The following VPS9D1 variants were observed in gnomAD, a reference collection of about 807,000 sequenced individuals.
VPS9D1 encodes VPS9 domain containing 1.
In VPS9D1, 78 loss-of-function variants were observed where a neutral mutation model predicts 75.8. The observed-to-expected ratio is 1.03, with a 90% CI of 0.86 to 1.24. The LOEUF is 1.24. Among genes scored for constraint, VPS9D1 ranks in the 50% most tolerant of loss-of-function variants. The pLI, the probability that VPS9D1 is intolerant of heterozygous loss-of-function variation, is 0.00. For synonymous variants in VPS9D1, 481 were observed against 385.6 expected, an observed-to-expected ratio of 1.25 and a Z score of -2.90; for missense variants, 1,057 against 847.7, an observed-to-expected ratio of 1.25 and a Z score of -3.07.
chr16:89,709,003 C>T lies in VPS9D1; in HGVS notation c.1598-47G>A, dbSNP rs764635868. The T allele has an allele frequency of 4.7e-5, 73 of 1,540,250 alleles. 1 individual carries two copies. The South Asian group carries it at 7.6e-4, about 16-fold the overall frequency. ...AGGGGCAGTTAACCCCGTCCAGCAG[C>T]CTGAGCCACCCCTTATACCCCGCCC... On this transcript the variant is annotated intron_variant, in intron 12 of 14. Coordinates refer to ENST00000389386, the MANE Select transcript of VPS9D1 (RefSeq NM_004913.3).
intron 8 of VPS9D1, chr16:89,711,622 A>T: frequency 2.2e-6 from 1 of 461,254 alleles, no homozygotes; most frequent in East Asian, 4.9e-5. Context: ...CCTCGCTGGG[A>T]CCCTCCCTCC....
intron 2 of VPS9D1, chr16:89,717,049 A>G (rs1357984805): frequency 5.0e-6 from 1 of 199,796 alleles, no homozygotes; most frequent in Non-Finnish European, 8.4e-6. Context: ...CCGTCCCCCA[A>G]CTGACTGACC....
chr16:89,708,105 C>A, intron 14 of VPS9D1, 151 bp from the exon 15 acceptor site: 1 of 737,166 alleles, frequency 1.4e-6, no homozygotes. Context: ...TAGAGGAGGC[C>A]TTTCCCACCC....
Position 89,707,623 on chromosome 16 carries a change from G to T in VPS9D1, c.*238C>A, listed in dbSNP as rs946818707. On this transcript the variant is annotated 3_prime_UTR_variant, in exon 15 of 15. Coordinates refer to ENST00000389386, the MANE Select transcript of VPS9D1 (RefSeq NM_004913.3). ...AGGAGAGCAGGGCCTGGTTCCTCCTGGAGCTGATTCAGCCCCATTCTGTCG... is the reference window on the plus strand; with the variant it reads ...AGGAGAGCAGGGCCTGGTTCCTCCTTGAGCTGATTCAGCCCCATTCTGTCG... The T allele has an allele frequency of 5.9e-6, 3 of 510,670 alleles. No homozygotes were observed. The Admixed American group carries it at 9.8e-5, about 17-fold the overall frequency. 31.6% of individuals were successfully genotyped at this position (510,670 alleles called of 1,614,324 possible).
intron 4 of VPS9D1, 72 bp downstream of exon 4, chr16:89,716,390 C>T: frequency 6.3e-7 from 1 of 1,596,144 alleles, no homozygotes; most frequent in African/African-American, 1.4e-5. Flanking sequence ...AAATCGCTGT[C>T]ATCAGCTCAT....
rs1369685531 is a variant in VPS9D1 at position 89,711,774 on chromosome 16, C to T, written c.747+108G>A. 34 of 1,316,900 alleles carry T rather than the reference C, an allele frequency of 2.6e-5. No individual in the cohort carries two copies. The Admixed American group carries it at 8.6e-4, about 33-fold the overall frequency. The allele number at this position is 1,316,900 out of a possible 1,614,324, so 81.6% of individuals were successfully genotyped here. A position where few individuals can be genotyped will look rare whatever the true frequency, so the allele number is the denominator to read the frequency against. On this transcript the variant is annotated intron_variant, in intron 8 of 14. Transcript: ENST00000389386. ...GCCTCTGGCCCCGCCCCCTCACTGCCCCCCACAGCCTCTGGCTCCGCCCCC... is the reference window on the plus strand; with the variant it reads ...GCCTCTGGCCCCGCCCCCTCACTGCTCCCCACAGCCTCTGGCTCCGCCCCC...
At chr16:89,717,131 C>T (rs1253441947) in intron 2 of VPS9D1, among the ~76,000 whole-genome samples, 1 of 141,704 alleles carries the variant, frequency 7.1e-6, no homozygotes, top group Non-Finnish European at 1.5e-5. Context: ...CCCCACTGAC[C>T]CCGGGCAAGC....
intron 4 of VPS9D1, among the ~76,000 whole-genome samples, chr16:89,714,560 A>G (rs1293048219): frequency 1.3e-5 from 2 of 152,200 alleles, no homozygotes; most frequent in African/African-American, 4.8e-5. Context: ...GCCACATTGC[A>G]GAAACAAGGG....
chr16:89,712,582 G>A (rs1373381001), intron 5 of VPS9D1, 23 bp downstream of exon 5: 1 of 1,609,374 alleles, frequency 6.2e-7, no homozygotes, highest in Admixed American at 1.7e-5. Flanking sequence ...CGCACCCCCA[G>A]GCCCTCCCTA....
intron 2 of VPS9D1, among the ~76,000 whole-genome samples, chr16:89,718,324 G>A (rs996369024): frequency 6.6e-6 from 1 of 152,132 alleles, no homozygotes; most frequent in Non-Finnish European, 1.5e-5. Context: ...CTCCCAGGCT[G>A]TCCTCTCCCT....
chr16:89,712,001 G>T, intron 7 of VPS9D1, 32 bp from the exon 8 acceptor site: 1 of 1,549,560 alleles, frequency 6.5e-7, no homozygotes, highest in Non-Finnish European at 8.7e-7. Context: ...GGGTGCCGGG[G>T]CCAGGCCCTC....
Position 89,711,935 on chromosome 16 carries a change from C to CCTTGCG in VPS9D1, c.693_694insCGCAAG (p.Glu231_Glu232insArgLys). ...GCGTAAAGGGCCCGCTGCTCCCGTT[C>CCTTGCG]CTCCGGGGTCAGGGCGACTTGGCTG... On this transcript the variant is annotated inframe_insertion, in exon 8 of 15. Coordinates refer to ENST00000389386, the MANE Select transcript of VPS9D1 (RefSeq NM_004913.3). 1.3e-6 allele frequency: 2 copies of CCTTGCG among 1,551,544 alleles called. No homozygotes were observed. Among genetic ancestry groups the CCTTGCG allele is most frequent in the Non-Finnish European group, 1.7e-6 (2 of 1,147,110 alleles).
Position 89,711,246 on chromosome 16 carries a change from C to A in VPS9D1, c.833+81G>T, listed in dbSNP as rs74033839. 2,690 of 1,452,762 alleles carry A rather than the reference C, an allele frequency of 1.9e-3. 37 individuals carry two copies. In the African/African-American group the frequency reaches 0.032, roughly 18 times the overall value. The allele number at this position is 1,452,762 out of a possible 1,614,324, so 90.0% of individuals were successfully genotyped here. On this transcript the variant is annotated intron_variant, in intron 9 of 14. Coordinates refer to ENST00000389386, the MANE Select transcript of VPS9D1 (RefSeq NM_004913.3). ...GCACAGGCTCCCTGTGTCAGTCCAG[C>A]CCCTCTCCGGCACCTGGCACCAGGC... is the stretch of plus-strand genomic sequence containing the variant.
Position 89,710,797 on chromosome 16 carries a change from A to G in VPS9D1, c.1047T>C (p.Ser349=). The G allele has an allele frequency of 3.9e-6, 6 of 1,548,086 alleles. No homozygotes were observed. Among genetic ancestry groups the G allele is most frequent in the Non-Finnish European group, 5.2e-6 (6 of 1,145,402 alleles). The change falls in exon 10 of 15, where the codon AGT becomes AGC. Residue 349 remains serine (S), a synonymous_variant. Coordinates refer to ENST00000389386, the MANE Select transcript of VPS9D1 (RefSeq NM_004913.3). ...EPSAAPRPQD[S]PPTPPLQPGP... is the part of the protein sequence containing the mutation. ...CGGGTTGGAGTGGGGGCGTGGGGGG[A>G]CTGTCCTGGGGCCGCGGGGCTGCGC... is the stretch of plus-strand genomic sequence containing the variant.
chr16:89,710,868 G>C lies in VPS9D1; in HGVS notation c.976C>G (p.Arg326Gly). The change falls in exon 10 of 15, where the codon CGG becomes GGG. Residue 326 changes from arginine to glycine, a missense_variant. Arg to Gly is a moderately radical substitution (Grantham distance 125). Transcript: ENST00000389386. ...PTPNPGSRRL[R>G]PSQSLHCMLS... ...ATGCAATGGAGGCTCTGCGAGGGCC[G>C]CAGCCGTCGGCTTCCGGGGTTGGGG... 1 of 1,504,928 alleles carries C rather than the reference G, an allele frequency of 6.6e-7. No individual in the cohort carries two copies. Among genetic ancestry groups the C allele is most frequent in the Non-Finnish European group, 8.9e-7 (1 of 1,129,404 alleles). The allele number at this position is 1,504,928 out of a possible 1,614,324, so 93.2% of individuals were successfully genotyped here.
intron 5 of VPS9D1, 22 bp from the exon 6 acceptor site, chr16:89,712,544 A>C (rs1429157711): frequency 1.2e-6 from 2 of 1,610,790 alleles, no homozygotes; most frequent in East Asian, 2.2e-5. Context: ...GGAGGGAGTA[A>C]GGCCGACTCC....
intron 4 of VPS9D1, among the ~76,000 whole-genome samples, chr16:89,716,151 G>C (rs563713686): frequency 1.3e-5 from 2 of 152,190 alleles, no homozygotes; most frequent in African/African-American, 4.8e-5. Context: ...CGCATCACGA[G>C]GTCAGGAGAT....
intron 2 of VPS9D1, chr16:89,717,743 C>T (rs1384863039): frequency 8.8e-6 from 4 of 456,698 alleles, no homozygotes; most frequent in East Asian, 6.9e-5. Flanking sequence ...CTCTGCCACT[C>T]CTCCACCCAA....
intron 10 of VPS9D1, 45 bp downstream of exon 10, chr16:89,710,541 G>T (rs752009853): frequency 1.6e-4 from 241 of 1,542,604 alleles, no homozygotes; most frequent in South Asian, 4.5e-4. Flanking sequence ...CAATAAGCAG[G>T]GGTGAAGAGC....
Sources: gnomAD v4.1 joint callset for allele counts (sites outside exome capture counted in the v4.1 genomes callset) on GRCh38, gnomAD v4.1.1 for gene constraint, MANE v1.5 for transcripts, NCBI Gene and HGNC (gene_info 2026-07-23, HGNC 2026-07-21) for gene names.